Variants in SPATA17 observed in about 807,000 individuals in gnomAD.
The protein encoded by SPATA17 is spermatogenesis-associated protein 17.
In SPATA17, 53 loss-of-function variants were observed where a neutral mutation model predicts 62.2. That is an observed-to-expected ratio of 0.85 (90% confidence interval 0.68 to 1.07). The LOEUF (loss-of-function observed/expected upper bound fraction) is 1.07. SPATA17 is among the 50% of genes least tolerant of loss of function. The pLI, the probability that SPATA17 is intolerant of heterozygous loss-of-function variation, is 0.00. For missense variants in SPATA17, 466 were observed against 425.5 expected, an observed-to-expected ratio of 1.10 and a Z score of -0.84; for synonymous variants, 146 against 146.8, an observed-to-expected ratio of 0.99 and a Z score of 0.04.
chr1:217,704,230 C>CTTTTTTTTTT lies in SPATA17; in HGVS notation c.395+20891_395+20900dup. ...TCCTAACTCTCCTCCTTCCCTCTAC[C>CTTTTTTTTTT]TTTTTTTTTTTTTTTTTTTTTTTTT... is the stretch of plus-strand genomic sequence containing the variant. On this transcript the variant is annotated intron_variant, in intron 5 of 10. Transcript: ENST00000366933. 1.9e-3 allele frequency among the ~76,000 whole-genome samples: 79 copies of CTTTTTTTTTT among 41,720 alleles called. 11 individuals are homozygous for CTTTTTTTTTT. Among genetic ancestry groups the CTTTTTTTTTT allele is most frequent in the Admixed American group, 3.3e-3 (8 of 2,430 alleles). The allele number at this position is 41,720 out of a possible 152,430, so 27.4% of individuals were successfully genotyped here. A position where few individuals can be genotyped will look rare whatever the true frequency, so the allele number is the denominator to read the frequency against.
At chr1:217,768,712 T>C (rs2102968298) in intron 6 of SPATA17, among the ~76,000 whole-genome samples, 1 of 152,166 alleles carries the variant, frequency 6.6e-6, no homozygotes, top group African/African-American at 2.4e-5. Flanking sequence ...CAGGTTGGTC[T>C]CCAATTCCTG....
intron 9 of SPATA17, among the ~76,000 whole-genome samples, chr1:217,841,839 A>G (rs1057090656): frequency 9.9e-5 from 15 of 151,114 alleles, no homozygotes; most frequent in African/African-American, 3.4e-4. Flanking sequence ...ATAATTTTTC[A>G]TATACATATT....
intron 5 of SPATA17, among the ~76,000 whole-genome samples, chr1:217,688,824 A>G (rs1671284635): frequency 6.6e-6 from 1 of 152,086 alleles, no homozygotes; most frequent in Non-Finnish European, 1.5e-5. Context: ...CCTTTATATT[A>G]TGAAATCGGT....
At chr1:217,769,428 T>C (rs1257817374) in intron 6 of SPATA17, among the ~76,000 whole-genome samples, 2 of 152,206 alleles carry the variant, frequency 1.3e-5, no homozygotes, top group African/African-American at 4.8e-5. Flanking sequence ...TACCCTCTTA[T>C]CTGCACCCCT....
At chr1:217,689,537 C>T (rs7521800) in intron 5 of SPATA17, among the ~76,000 whole-genome samples, 28,779 of 151,714 alleles carry the variant, frequency 0.19, 3,038 homozygotes, top group African/African-American at 0.29. Flanking sequence ...TTTTGTGTGC[C>T]GGAAATTATT....
intron 3 of SPATA17, among the ~76,000 whole-genome samples, chr1:217,664,486 G>T (rs960754656): frequency 6.6e-6 from 1 of 151,718 alleles, no homozygotes; most frequent in Admixed American, 6.6e-5. Context: ...GTAGAGACGG[G>T]GTTTCACCGT....
intron 5 of SPATA17, among the ~76,000 whole-genome samples, chr1:217,696,416 C>A (rs111492629): frequency 1.3e-5 from 2 of 152,228 alleles, no homozygotes; most frequent in South Asian, 4.1e-4. Context: ...GAGATGAACC[C>A]GGTACCTCAG....
chr1:217,796,819 T>C (rs1387395426), intron 8 of SPATA17, among the ~76,000 whole-genome samples: 1 of 152,218 alleles, frequency 6.6e-6, no homozygotes, highest in Non-Finnish European at 1.5e-5. Context: ...CCTGGACATT[T>C]AGGTGGTTAA....
chr1:217,644,108 C>T (rs1175697787), intron 1 of SPATA17, among the ~76,000 whole-genome samples: 2 of 152,108 alleles, frequency 1.3e-5, no homozygotes, highest in South Asian at 2.1e-4. Context: ...ATGACTTCTG[C>T]ACAGTATTTA....
chr1:217,751,338 G>A (rs568748340), intron 6 of SPATA17, among the ~76,000 whole-genome samples: 1 of 151,698 alleles, frequency 6.6e-6, no homozygotes, highest in Admixed American at 6.6e-5. Context: ...TTTTCCCTTT[G>A]GACACTTGGC....
At chr1:217,690,909 T>C (rs1367683863) in intron 5 of SPATA17, among the ~76,000 whole-genome samples, 5 of 147,000 alleles carry the variant, frequency 3.4e-5, no homozygotes, top group Admixed American at 6.7e-5. Context: ...TTTGGGTTGG[T>C]TCCAAGTCTT....
At chr1:217,664,953 A>T (rs1670661319) in intron 3 of SPATA17, among the ~76,000 whole-genome samples, 2 of 152,124 alleles carry the variant, frequency 1.3e-5, no homozygotes, top group African/African-American at 4.8e-5. Context: ...AAGACATTTC[A>T]GACAAGCAAA....
intron 5 of SPATA17, among the ~76,000 whole-genome samples, chr1:217,716,404 A>G (rs1329057417): frequency 1.3e-5 from 2 of 152,216 alleles, no homozygotes; most frequent in Admixed American, 6.5e-5. Context: ...TCCTTTTGCA[A>G]TCACATATCG....
intron 5 of SPATA17, among the ~76,000 whole-genome samples, chr1:217,737,148 A>T (rs1452550158): frequency 5.3e-5 from 8 of 152,220 alleles, no homozygotes; most frequent in Non-Finnish European, 7.3e-5. Flanking sequence ...TAACTCTGTC[A>T]CTTTCTGGAT....
At chr1:217,670,113 C>G (rs895545844) in intron 4 of SPATA17, among the ~76,000 whole-genome samples, 2 of 152,154 alleles carry the variant, frequency 1.3e-5, no homozygotes, top group South Asian at 2.1e-4. Flanking sequence ...TTCAATTTTT[C>G]TCTTTTAAAG....
chr1:217,862,054 CTA>C (rs1675906503), intron 9 of SPATA17, among the ~76,000 whole-genome samples: 1 of 150,890 alleles, frequency 6.6e-6, no homozygotes, highest in African/African-American at 2.4e-5. Flanking sequence ...GTCTTTTCTC[CTA>C]TGTTTTCTTA....
intron 3 of SPATA17, among the ~76,000 whole-genome samples, chr1:217,664,768 G>T (rs1328515906): frequency 3.3e-5 from 5 of 152,110 alleles, no homozygotes; most frequent in Non-Finnish European, 5.9e-5. Flanking sequence ...ATTTAAAGAA[G>T]TTCATCCTAC....
At chr1:217,807,574 A>C (rs527326878) in intron 9 of SPATA17, among the ~76,000 whole-genome samples, 4 of 152,274 alleles carry the variant, frequency 2.6e-5, no homozygotes, top group African/African-American at 9.6e-5. Flanking sequence ...ATAGCTTTTT[A>C]ATTTAATTTT....
intron 8 of SPATA17, among the ~76,000 whole-genome samples, chr1:217,800,674 G>A (rs1462596762): frequency 2.0e-5 from 3 of 152,018 alleles, no homozygotes; most frequent in Non-Finnish European, 4.4e-5. Context: ...AGGACAAATT[G>A]CCCTGTTTCT....
Sources: allele counts gnomAD v4.1 joint callset (sites outside exome capture counted in the v4.1 genomes callset), GRCh38; gene constraint gnomAD v4.1.1; transcripts MANE v1.5; gene names NCBI Gene and HGNC (gene_info 2026-07-23, HGNC 2026-07-21).